Variants in RFXAP observed in about 807,000 individuals in gnomAD.
RFXAP encodes the protein regulatory factor X-associated protein.
A neutral mutation model predicts 25.7 loss-of-function variants in RFXAP; 21 were observed. The ratio of observed to expected loss-of-function variants is 0.82; its 90% CI spans 0.58 to 1.18. The LOEUF is 1.18. Among genes scored for constraint, RFXAP ranks in the 50% most tolerant of loss-of-function variants. The pLI is 0.00. For synonymous variants in RFXAP, 161 were observed against 152.2 expected (o/e 1.06, Z -0.43); for missense variants, 333 against 363.0 (o/e 0.92, Z 0.67).
At position 36,819,909 on chromosome 13, in the gene RFXAP, C is replaced by A. The variant is rs780181158; in HGVS notation, c.552C>A (p.Asn184Lys). The A allele has an allele frequency of 6.2e-7, 1 of 1,613,834 alleles. No homozygotes were observed. ...AGAAGAAGAGCGACCAGGCCCTGAA[C>A]TGCGGTGGGACTGCCTCGACTGGCA... Reference protein sequence around the residue: ...YKKKKSDQALNCGGTASTGSA... With the variant: ...YKKKKSDQALKCGGTASTGSA... Residue 184 changes from asparagine to lysine, a missense_variant, in exon 1 of 3, where the codon AAC becomes AAA. Physicochemically the swap from Asn to Lys is moderately conservative, Grantham distance 94 (BLOSUM62 0). Transcript: ENST00000255476.
intron 1 of RFXAP, among the ~76,000 whole-genome samples, chr13:36,823,122 A>G (rs765590042): frequency 3.2e-4 from 48 of 152,328 alleles, no homozygotes; most frequent in South Asian, 1.7e-3. Flanking sequence ...TTTTACATAC[A>G]TGGAAACTGA....
At chr13:36,820,661 G>A (rs1056847104) in intron 1 of RFXAP, among the ~76,000 whole-genome samples, 1 of 151,958 alleles carries the variant, frequency 6.6e-6, no homozygotes, top group African/African-American at 2.4e-5. Context: ...CCTGAGGGGG[G>A]AAAAAAAGGA....
chr13:36,825,999 C>T (rs1030581267), intron 2 of RFXAP, among the ~76,000 whole-genome samples: 1 of 152,052 alleles, frequency 6.6e-6, no homozygotes. Context: ...CGTAGCGAGA[C>T]CCCATCTACA....
chr13:36,821,931 T>C (rs528497358), intron 1 of RFXAP, among the ~76,000 whole-genome samples: 2 of 152,288 alleles, frequency 1.3e-5, no homozygotes, highest in South Asian at 4.1e-4. Flanking sequence ...ATTCTTATAG[T>C]ATGTTTTACC....
chr13:36,826,915 G>A (rs143379891), intron 2 of RFXAP, among the ~76,000 whole-genome samples: 113 of 152,078 alleles, frequency 7.4e-4, no homozygotes, highest in African/African-American at 2.4e-3. Context: ...TGCTTGAGCC[G>A]AGGAGTTCAA....
In RFXAP at chr13:36,827,943, G is replaced by T; in HGVS notation, c.*190G>T. On this transcript the variant is annotated 3_prime_UTR_variant, in exon 3 of 3. Transcript: ENST00000255476. Reference sequence around the variant, plus strand: ...CATCTAATCTTTCAGATTACTGTGAGTTTGAAGAAGTCAGCTTATCTTTCC... The same window carrying T: ...CATCTAATCTTTCAGATTACTGTGATTTTGAAGAAGTCAGCTTATCTTTCC... The T allele has an allele frequency of 1.8e-6, 1 of 564,756 alleles. No homozygotes were observed. Among genetic ancestry groups the T allele is most frequent in the South Asian group, 2.5e-5 (1 of 39,858 alleles). The allele number at this position is 564,756 out of a possible 1,614,324, so 35.0% of individuals were successfully genotyped here.
At position 36,827,885 on chromosome 13, in the gene RFXAP, G is replaced by A; in HGVS notation, c.*132G>A. 2 of 721,614 alleles carry A rather than the reference G, an allele frequency of 2.8e-6. No homozygotes were observed. Among genetic ancestry groups the A allele is most frequent in the Non-Finnish European group, 4.8e-6 (2 of 415,532 alleles). The allele number at this position is 721,614 out of a possible 1,614,324, so 44.7% of individuals were successfully genotyped here. ...AACATTTTCCTGTAAATGTATGTGT[G>A]CATTTGGGGATAAGTAAGTATTGCA... is the stretch of plus-strand genomic sequence containing the variant. On this transcript the variant is annotated 3_prime_UTR_variant, in exon 3 of 3. Transcript: ENST00000255476.
Position 36,822,279 on chromosome 13 carries a change from C to T in RFXAP, c.600+2322C>T, listed in dbSNP as rs957290202. The stretch of plus-strand genomic sequence containing the variant: ...CTAATTTTTGTATTTTTAGTAGAGA[C>T]GCGGTTTTGCCATGTTGGCCAGTCT... On this transcript the variant is annotated intron_variant, in intron 1 of 2. Transcript: ENST00000255476. 2.8e-4 allele frequency among the ~76,000 whole-genome samples: 43 copies of T among 151,780 alleles called. 1 individual carries two copies. Among genetic ancestry groups the T allele is most frequent in the Non-Finnish European group, 2.8e-4 (19 of 67,914 alleles).
chr13:36,827,575 A>G (rs1300844474), intron 2 of RFXAP, 68 bp from the exon 3 acceptor site: 1 of 1,089,246 alleles, frequency 9.2e-7, no homozygotes, highest in East Asian at 2.5e-5. Context: ...ACATCAGAGT[A>G]ATTAGCATGA....
At position 36,819,685 on chromosome 13, in the gene RFXAP, G is replaced by A. The variant is rs2057955362; in HGVS notation, c.328G>A (p.Asp110Asn). Residue 110 changes from aspartate to asparagine, a missense_variant, in exon 1 of 3, where the codon GAT (aspartate) becomes AAT (asparagine). Transcript: ENST00000255476. ...AGGCGAGAGCGCGGCTAGTTTGGAG[G>A]ATCTAGAGGACGAGGAGACTCACTC... The part of the protein sequence containing the change: ...GGGESAASLE[D>N]LEDEETHSGG... 6.5e-7 allele frequency: 1 copy of A among 1,549,980 alleles called. No individual in the cohort carries two copies. The highest frequency in any genetic ancestry group is 8.7e-7 in the Non-Finnish European group (1 of 1,146,274).
At chr13:36,822,114 A>G (rs1402034283) in intron 1 of RFXAP, among the ~76,000 whole-genome samples, 1 of 151,010 alleles carries the variant, frequency 6.6e-6, no homozygotes, top group Non-Finnish European at 1.5e-5. Flanking sequence ...TTTGAGACAG[A>G]GTCTTACTCT....
intron 1 of RFXAP, among the ~76,000 whole-genome samples, chr13:36,822,130 G>A (rs1298996083): frequency 4.7e-5 from 7 of 150,446 alleles, no homozygotes; most frequent in African/African-American, 1.2e-4. Flanking sequence ...ACTCTGTGTC[G>A]CTCAGGCTGG....
chr13:36,820,946 AT>A (rs2057959974), intron 1 of RFXAP, among the ~76,000 whole-genome samples: 1 of 152,254 alleles, frequency 6.6e-6, no homozygotes, highest in South Asian at 2.1e-4. Context: ...ACCCATTATT[AT>A]TGTCATTGTT....
At position 36,819,268 on chromosome 13, in the gene RFXAP, C is replaced by T. The variant is rs930959481; in HGVS notation, c.-90C>T. The T allele has an allele frequency of 9.5e-5, 113 of 1,189,296 alleles. 2 individuals are homozygous for T. The highest frequency in any genetic ancestry group is 8.3e-4 in the South Asian group (19 of 22,960). The allele number at this position is 1,189,296 out of a possible 1,614,324, so 73.7% of individuals were successfully genotyped here. A position where few individuals can be genotyped will look rare whatever the true frequency, so the allele number is the denominator to read the frequency against. ...CCGGTATAGGCGCCTTTTACCCCAG[C>T]GTGTCCTGAGTCTTTGGTTCGCGAA... On this transcript the variant is annotated 5_prime_UTR_variant, in exon 1 of 3. Transcript: ENST00000255476.
rs771132797 is a variant in RFXAP, at chr13:36,819,810, C to T, written c.453C>T (p.Ser151=). ...CTYEGCSETT[S]QVAKQRKPWM... is the part of the protein sequence containing the mutation. ...ACGAAGGCTGCAGCGAGACCACGAG[C>T]CAGGTGGCCAAGCAGCGCAAACCGT... is the stretch of plus-strand genomic sequence containing the variant. The change falls in exon 1 of 3, where the codon AGC becomes AGT. Residue 151 remains serine, a synonymous_variant. Transcript: ENST00000255476. 1.3e-6 allele frequency: 2 copies of T among 1,595,838 alleles called. No individual in the cohort carries two copies. Among genetic ancestry groups the T allele is most frequent in the South Asian group, 2.3e-5 (2 of 88,346 alleles).
At chr13:36,826,330 A>G (rs996169494) in intron 2 of RFXAP, among the ~76,000 whole-genome samples, 2 of 152,232 alleles carry the variant, frequency 1.3e-5, no homozygotes, top group African/African-American at 4.8e-5. Flanking sequence ...ACAGAAAAAA[A>G]AGGCAGAATA....
intron 1 of RFXAP, among the ~76,000 whole-genome samples, chr13:36,824,510 G>A (rs1173994251): frequency 6.6e-6 from 1 of 152,142 alleles, no homozygotes; most frequent in Non-Finnish European, 1.5e-5. Flanking sequence ...AATATTCTAA[G>A]TAAAGAACAA....
Position 36,827,911 on chromosome 13 carries a change from C to T in RFXAP, c.*158C>T. The stretch of plus-strand genomic sequence containing the variant: ...CATTTGGGGATAAGTAAGTATTGCA[C>T]TTTGTGCATCTAATCTTTCAGATTA... On this transcript the variant is annotated 3_prime_UTR_variant, in exon 3 of 3. Transcript: ENST00000255476. The T allele has an allele frequency of 4.9e-6, 3 of 616,416 alleles. No individual in the cohort carries two copies. Among genetic ancestry groups the T allele is most frequent in the Non-Finnish European group, 8.7e-6 (3 of 345,924 alleles). The allele number at this position is 616,416 out of a possible 1,614,324, so 38.2% of individuals were successfully genotyped here.
At chr13:36,826,010 A>G (rs1315974333) in intron 2 of RFXAP, among the ~76,000 whole-genome samples, 2 of 152,056 alleles carry the variant, frequency 1.3e-5, no homozygotes, top group African/African-American at 2.4e-5. Context: ...CCCATCTACA[A>G]AAAAATTTAA....
Sources: allele counts gnomAD v4.1 joint callset (sites outside exome capture counted in the v4.1 genomes callset), GRCh38; gene constraint gnomAD v4.1.1; transcripts MANE v1.5; gene names NCBI Gene and HGNC (gene_info 2026-07-23, HGNC 2026-07-21).